The following RDH10 variants were observed in gnomAD, a reference collection of about 807,000 sequenced individuals.
RDH10 encodes retinol dehydrogenase 10.
A neutral mutation model predicts 30.2 loss-of-function variants in RDH10; 12 were observed. The ratio of observed to expected loss-of-function variants is 0.40; its 90% CI spans 0.25 to 0.64. The LOEUF is 0.64. Ranked by LOEUF, RDH10 falls within the 30% of genes least tolerant of loss-of-function variation. The pLI is 0.43. For synonymous variants in RDH10, 189 were observed against 172.2 expected, an observed-to-expected ratio of 1.10 and a Z score of -0.76; for missense variants, 268 against 445.2, an observed-to-expected ratio of 0.60 and a Z score of 3.58.
At chr8:73,305,311 A>G (rs189962852) in intron 2 of RDH10, among the ~76,000 whole-genome samples, 1 of 152,362 alleles carries the variant, frequency 6.6e-6, no homozygotes, top group Non-Finnish European at 1.5e-5. Context: ...TAACTTGAAT[A>G]TATCTAACCC....
In RDH10 at chr8:73,294,801, T is replaced by C. The variant is rs1264044407; in HGVS notation, c.-489T>C. The C allele has an allele frequency of 2.7e-6, 1 of 369,900 alleles. No homozygotes were observed. The highest frequency in any genetic ancestry group is 4.8e-6 in the Non-Finnish European group (1 of 207,508). 22.9% of individuals were successfully genotyped at this position (369,900 alleles called of 1,614,324 possible). On this transcript the variant is annotated 5_prime_UTR_variant, in exon 1 of 6. Coordinates refer to ENST00000240285, the MANE Select transcript of RDH10 (RefSeq NM_172037.5). ...CCCCGCACCCCACTCTCCCACCCTC[T>C]CGCAACTTGGGTCGAGTTGACAACT...
At chr8:73,305,535 A>T (rs1284622624) in intron 2 of RDH10, among the ~76,000 whole-genome samples, 1 of 152,188 alleles carries the variant, frequency 6.6e-6, no homozygotes, top group Non-Finnish European at 1.5e-5. Context: ...ATGTCTGCCT[A>T]TATGGATAAA....
At chr8:73,309,375 A>G (rs1206084859) in intron 2 of RDH10, among the ~76,000 whole-genome samples, 1 of 152,168 alleles carries the variant, frequency 6.6e-6, no homozygotes, top group South Asian at 2.1e-4. Context: ...TTCAGTTCTC[A>G]TAATTTAGTA....
intron 2 of RDH10, among the ~76,000 whole-genome samples, chr8:73,317,789 G>A (rs778972008): frequency 4.6e-5 from 7 of 151,960 alleles, no homozygotes; most frequent in African/African-American, 7.2e-5. Context: ...GCATGGTGAC[G>A]TGCGCCTGTA....
At chr8:73,320,845 CA>C in intron 3 of RDH10, 86 bp from the exon 4 acceptor site, 1 of 1,303,878 alleles carries the variant, frequency 7.7e-7, no homozygotes. Flanking sequence ...GACATCTAAA[CA>C]TGGTAATAGG....
At chr8:73,302,123 C>T in intron 2 of RDH10, among the ~76,000 whole-genome samples, 1 of 152,210 alleles carries the variant, frequency 6.6e-6, no homozygotes, top group Non-Finnish European at 1.5e-5. Flanking sequence ...TTTCCTCAGC[C>T]TGGCATAATT....
chr8:73,322,301 A>G, intron 4 of RDH10: 1 of 296,694 alleles, frequency 3.4e-6, no homozygotes, highest in Non-Finnish European at 6.6e-6. Flanking sequence ...CATTTTGACT[A>G]CAACTAATAC....
At chr8:73,300,033 A>C (rs1814347735) in intron 2 of RDH10, among the ~76,000 whole-genome samples, 1 of 152,206 alleles carries the variant, frequency 6.6e-6, no homozygotes, top group Non-Finnish European at 1.5e-5. Flanking sequence ...CTGTGCTTTG[A>C]GATGTTGCTT....
intron 2 of RDH10, among the ~76,000 whole-genome samples, chr8:73,315,145 C>G (rs1291822833): frequency 3.8e-5 from 5 of 131,812 alleles, no homozygotes; most frequent in African/African-American, 1.1e-4. Flanking sequence ...CCACCGGCCT[C>G]CTCTCTCTCT....
At chr8:73,297,153 T>C (rs1814282247) in intron 1 of RDH10, 41 bp from the exon 2 acceptor site, 1 of 1,205,322 alleles carries the variant, frequency 8.3e-7, no homozygotes, top group African/African-American at 1.5e-5. Flanking sequence ...CACTTCCTTC[T>C]CTTTTGCATG....
intron 1 of RDH10, 34 bp downstream of exon 1, chr8:73,295,612 C>G (rs2130351210): frequency 4.8e-6 from 7 of 1,453,294 alleles, no homozygotes; most frequent in Non-Finnish European, 6.3e-6. Context: ...ATTGTTGGGT[C>G]AAGCCTCTTT....
intron 2 of RDH10, among the ~76,000 whole-genome samples, chr8:73,318,657 G>A (rs767439173): frequency 8.5e-5 from 13 of 152,166 alleles, no homozygotes; most frequent in Non-Finnish European, 1.6e-4. Context: ...CGTAGACATC[G>A]CCGTAAGGCA....
intron 2 of RDH10, among the ~76,000 whole-genome samples, chr8:73,301,519 A>G (rs1814374669): frequency 6.6e-6 from 1 of 151,896 alleles, no homozygotes; most frequent in African/African-American, 2.4e-5. Context: ...GCACTTTGGA[A>G]GGCCAAGGCA....
Position 73,297,353 on chromosome 8 carries a change from C to G in RDH10, c.449C>G (p.Ser150Cys). 1.2e-6 allele frequency: 2 copies of G among 1,614,152 alleles called. No individual in the cohort carries two copies. The highest frequency in any genetic ancestry group is 1.7e-6 in the Non-Finnish European group (2 of 1,179,996). ...SVLVNNAGVV[S>C]GHHLLECPDE... ...CTGGTCAATAATGCTGGTGTGGTCT[C>G]TGGGCATCACCTTCTGGAATGTCCT... Residue 150 changes from serine (S) to cysteine (C), a missense_variant, in exon 2 of 6, where the codon TCT becomes TGT. By Grantham distance (112) the Ser-to-Cys change is moderately radical (BLOSUM62 -1). Transcript: ENST00000240285.
chr8:73,308,055 G>A lies in RDH10; in HGVS notation c.525+10626G>A, dbSNP rs186552893. On this transcript the variant is annotated intron_variant, in intron 2 of 5. Coordinates refer to ENST00000240285, the MANE Select transcript of RDH10 (RefSeq NM_172037.5). ...TTGAGAATAGTGTAGTGCATCCTTC[G>A]TCACCCAGCTTCCTTCTTTCTCTTC... Among the ~76,000 whole-genome samples, 378 of 152,110 alleles carry A rather than the reference G, an allele frequency of 2.5e-3. 3 individuals are homozygous for A. Among genetic ancestry groups the A allele is most frequent in the African/African-American group, 8.8e-3 (364 of 41,476 alleles).
At chr8:73,309,387 T>C (rs1225665335) in intron 2 of RDH10, among the ~76,000 whole-genome samples, 1 of 152,196 alleles carries the variant, frequency 6.6e-6, no homozygotes, top group Non-Finnish European at 1.5e-5. Context: ...AATTTAGTAA[T>C]GATATTTTCG....
intron 4 of RDH10, chr8:73,321,885 T>A: frequency 2.2e-6 from 1 of 456,284 alleles, no homozygotes; most frequent in South Asian, 1.5e-5. Flanking sequence ...AAAGTCAGGC[T>A]TGGAGTCCCA....
chr8:73,317,514 G>A (rs1248546339), intron 2 of RDH10, among the ~76,000 whole-genome samples: 1 of 152,132 alleles, frequency 6.6e-6, no homozygotes. Flanking sequence ...GGAAGACCTT[G>A]GGATACTTCA....
chr8:73,311,186 TCTC>T (rs1310693965), intron 2 of RDH10: 3 of 152,114 alleles, frequency 2.0e-5, no homozygotes, highest in African/African-American at 2.4e-5. Context: ...ACTTTGGACA[TCTC>T]CTCTTGTCTC....
Sources: allele counts gnomAD v4.1 joint callset (sites outside exome capture counted in the v4.1 genomes callset), GRCh38; gene constraint gnomAD v4.1.1; transcripts MANE v1.5; gene names NCBI Gene and HGNC (gene_info 2026-07-23, HGNC 2026-07-21).